MYRIP: variants seen among roughly 807,000 people sequenced by gnomAD.
MYRIP encodes rab effector MyRIP.
Under a neutral mutation model 98.0 loss-of-function variants are expected in MYRIP, and 49 were observed. The observed-to-expected ratio is 0.50, with a 90% confidence interval of 0.40 to 0.63. The LOEUF (loss-of-function observed/expected upper bound fraction) is 0.63. Among genes scored for constraint, MYRIP ranks in the 30% least tolerant of loss-of-function variants. The pLI, the probability that MYRIP is intolerant of heterozygous loss-of-function variation, is 0.00. For synonymous variants in MYRIP, 404 were observed against 409.5 expected, an observed-to-expected ratio of 0.99 and a Z score of 0.16; for missense variants, 1,004 against 1,058.2, an observed-to-expected ratio of 0.95 and a Z score of 0.71.
chr3:39,970,135 A>G (rs1266882153), intron 2 of MYRIP: 1 of 152,076 alleles, frequency 6.6e-6, no homozygotes, highest in Non-Finnish European at 1.5e-5. Context: ...AGCTTCACAC[A>G]GTGGCAATTG....
At chr3:39,907,975 G>C (rs965049150) in intron 2 of MYRIP, among the ~76,000 whole-genome samples, 1 of 152,184 alleles carries the variant, frequency 6.6e-6, no homozygotes, top group Non-Finnish European at 1.5e-5. Context: ...ACTGTTAATT[G>C]TACAATCCTC....
chr3:40,110,270 G>T (rs897182101), intron 3 of MYRIP, among the ~76,000 whole-genome samples: 1 of 152,084 alleles, frequency 6.6e-6, no homozygotes, highest in African/African-American at 2.4e-5. Context: ...TTTATTTGCA[G>T]GTTACTTTGC....
intron 2 of MYRIP, among the ~76,000 whole-genome samples, chr3:39,984,469 A>G (rs966747493): frequency 6.6e-6 from 1 of 151,820 alleles, no homozygotes; most frequent in Non-Finnish European, 1.5e-5. Flanking sequence ...GAGTGAGAAT[A>G]TGCAGTGTTT....
chr3:40,102,144 G>T (rs1288247165), intron 3 of MYRIP, among the ~76,000 whole-genome samples: 1 of 152,228 alleles, frequency 6.6e-6, no homozygotes, highest in Non-Finnish European at 1.5e-5. Flanking sequence ...TCCTGTGGGT[G>T]CCCCTGCCCT....
chr3:40,199,264 G>A (rs544584991), intron 10 of MYRIP, among the ~76,000 whole-genome samples: 16 of 152,136 alleles, frequency 1.1e-4, no homozygotes, highest in Non-Finnish European at 1.6e-4. Context: ...CACACTCTGG[G>A]GGTTGCTTCT....
intron 2 of MYRIP, among the ~76,000 whole-genome samples, chr3:40,010,777 C>T: frequency 6.6e-6 from 1 of 152,120 alleles, no homozygotes; most frequent in East Asian, 1.9e-4. Flanking sequence ...TCTTAGGATG[C>T]CTGGTCCTGG....
intron 16 of MYRIP, 79 bp downstream of exon 16, chr3:40,252,078 C>A: frequency 8.9e-7 from 1 of 1,123,366 alleles, no homozygotes; most frequent in Non-Finnish European, 1.3e-6. Flanking sequence ...CCTTCTGTAG[C>A]TCCCGCATCA....
intron 1 of MYRIP, among the ~76,000 whole-genome samples, chr3:39,880,605 T>A (rs187820648): frequency 1.4e-4 from 21 of 152,356 alleles, no homozygotes; most frequent in Non-Finnish European, 2.8e-4. Context: ...ATAAATGTGT[T>A]AGCTTCAACA....
At chr3:40,214,418 A>G (rs189422028) in intron 11 of MYRIP, among the ~76,000 whole-genome samples, 299 of 152,280 alleles carry the variant, frequency 2.0e-3, no homozygotes, top group South Asian at 4.1e-3. Context: ...GAGCTACAGA[A>G]TCCTGTCCAG....
chr3:39,873,855 G>GT (rs1430484601), intron 1 of MYRIP, among the ~76,000 whole-genome samples: 1 of 152,098 alleles, frequency 6.6e-6, no homozygotes, highest in East Asian at 1.9e-4. Context: ...CTTTAAAGTA[G>GT]TTTTTTCTAA....
At chr3:39,935,279 G>T (rs1246076620) in intron 2 of MYRIP, among the ~76,000 whole-genome samples, 2 of 152,152 alleles carry the variant, frequency 1.3e-5, no homozygotes, top group African/African-American at 2.4e-5. Context: ...TGGGGAGGGT[G>T]ACTGTCAGTT....
chr3:40,158,227 T>C (rs867693351), intron 4 of MYRIP, among the ~76,000 whole-genome samples: 18 of 152,316 alleles, frequency 1.2e-4, no homozygotes, highest in Admixed American at 7.2e-4. Flanking sequence ...AAGAACATAT[T>C]TATTTCTGCC....
intron 2 of MYRIP, among the ~76,000 whole-genome samples, chr3:39,929,298 A>G (rs1944488911): frequency 6.6e-6 from 1 of 152,092 alleles, no homozygotes. Context: ...CATATTAAAG[A>G]TCTCAATTCT....
intron 2 of MYRIP, among the ~76,000 whole-genome samples, chr3:39,990,577 A>T (rs2125771077): frequency 6.6e-6 from 1 of 152,314 alleles, no homozygotes; most frequent in Non-Finnish European, 1.5e-5. Context: ...TCAAGGGCTG[A>T]TACTAATTGT....
chr3:40,087,591 A>T (rs1467660756), intron 3 of MYRIP, among the ~76,000 whole-genome samples: 3 of 152,184 alleles, frequency 2.0e-5, no homozygotes, highest in Non-Finnish European at 4.4e-5. Context: ...ATGGTAGCCA[A>T]TGTTTAACTA....
In MYRIP at chr3:40,189,995, A is replaced by G. The variant is rs1175127591; in HGVS notation, c.1197A>G (p.Glu399=). ...ATGAGATGGGCTCCGATAGCGAGGA[A>G]GACTTTGACTGGAGTGAGGCCTTGA... ...AYDEMGSDSE[E]DFDWSEALSK... Residue 399 remains glutamate (E), a synonymous_variant, in exon 10 of 17, where the codon GAA becomes GAG. Transcript: ENST00000302541. The G allele has an allele frequency of 5.0e-6, 8 of 1,613,970 alleles. No homozygotes were observed. The highest frequency in any genetic ancestry group is 2.2e-5 in the East Asian group (1 of 44,860).
intron 2 of MYRIP, among the ~76,000 whole-genome samples, chr3:39,963,343 T>A (rs1468622328): frequency 1.3e-5 from 2 of 152,186 alleles, no homozygotes; most frequent in Non-Finnish European, 2.9e-5. Flanking sequence ...GATATTTAAG[T>A]GAGGATAACT....
Position 40,170,077 on chromosome 3 carries a change from C to T in MYRIP, c.857C>T (p.Ala286Val). 2 of 1,614,200 alleles carry T rather than the reference C, an allele frequency of 1.2e-6. No homozygotes were observed. The highest frequency in any genetic ancestry group is 1.7e-6 in the Non-Finnish European group (2 of 1,180,036). Residue 286 changes from alanine to valine, a missense_variant, in exon 8 of 17, where the codon GCT becomes GTT. Physicochemically the swap from Ala to Val is moderately conservative, Grantham distance 64. Transcript: ENST00000302541. Reference protein sequence around the residue: ...GTSASPGGYRAPAALWRSQSA... With the variant: ...GTSASPGGYRVPAALWRSQSA... ...TCAGCATCCCCTGGAGGCTACCGTG[C>T]TCCCGCTGCCCTCTGGGTGAGTCCC...
At chr3:40,224,699 A>G (rs1485498593) in intron 11 of MYRIP, among the ~76,000 whole-genome samples, 1 of 152,228 alleles carries the variant, frequency 6.6e-6, no homozygotes, top group African/African-American at 2.4e-5. Context: ...AAAAAGGAAA[A>G]TATTTCTTTT....
Sources: gnomAD v4.1 joint callset for allele counts (sites outside exome capture counted in the v4.1 genomes callset) on GRCh38, gnomAD v4.1.1 for gene constraint, MANE v1.5 for transcripts, NCBI Gene and HGNC (gene_info 2026-07-23, HGNC 2026-07-21) for gene names.